Variants in MUTYH observed in about 807,000 individuals in gnomAD.
MUTYH encodes adenine DNA glycosylase.
Under a neutral mutation model 72.9 loss-of-function variants are expected in MUTYH, and 64 were observed. That is an observed-to-expected ratio of 0.88 (90% CI 0.72 to 1.08). The LOEUF is 1.08. Among genes scored for constraint, MUTYH ranks in the 50% least tolerant of loss-of-function variants. The pLI is 0.00. For synonymous variants in MUTYH, 234 were observed against 263.1 expected (o/e 0.89, Z 1.07); for missense variants, 633 against 671.0 (o/e 0.94, Z 0.63).
upstream of MUTYH, chr1:45,340,009 C>A: frequency 1.6e-5 from 25 of 1,539,190 alleles, no homozygotes; most frequent in Non-Finnish European, 2.2e-5. Context: ...GGCTTTCCGG[C>A]GCACTCCAGG....
chr1:45,340,004 T>G (rs756216661), upstream of MUTYH: 105 of 1,538,620 alleles, frequency 6.8e-5, no homozygotes, highest in East Asian at 2.7e-4. Context: ...CGCCCGGCTT[T>G]CCGGCGCACT....
chr1:45,331,146 C>T (rs1304310416), intron 14 of MUTYH, 36 bp downstream of exon 14: 1 of 1,613,312 alleles, frequency 6.2e-7, no homozygotes, highest in South Asian at 1.1e-5. Context: ...ATGTAGGAAA[C>T]ACAAGGAAGT....
At chr1:45,339,824 G>T in intron 1 of MUTYH, 75 bp downstream of exon 1, 2 of 1,315,114 alleles carry the variant, frequency 1.5e-6, no homozygotes, top group Non-Finnish European at 2.0e-6. Context: ...TAACTCCTGG[G>T]CGTGCTTTAA....
Position 45,336,341 on chromosome 1 carries a change from C to G in MUTYH, c.-6-1830G>C, listed in dbSNP as rs1476817153. Among the ~76,000 whole-genome samples the G allele has an allele frequency of 3.3e-5, 5 of 152,212 alleles. No homozygotes were observed. The East Asian group carries it at 7.7e-4, about 23-fold the overall frequency. ...CTACAAAAACAGAAAAACAGAATTTCTCTTCTACCCCTTGTCAGGCCTCTG... is the reference window on the plus strand; with the variant it reads ...CTACAAAAACAGAAAAACAGAATTTGTCTTCTACCCCTTGTCAGGCCTCTG... On this transcript the variant is annotated intron_variant, in intron 1 of 15. Transcript: ENST00000456914.
At position 45,331,458 on chromosome 1, in the gene MUTYH, C is replaced by T; in HGVS notation, c.1201G>A (p.Gly401Arg). 6.2e-7 allele frequency: 1 copy of T among 1,614,238 alleles called. No homozygotes were observed. The highest frequency in any genetic ancestry group is 2.2e-5 in the East Asian group (1 of 44,886). ...CGGAGGTGCGTGGCTGGGAGGGGCC[C>T]AGCCCAACGCTGTAGTTCCTGCAGC... ...ALLQELQRWAGPLPATHLRHL... is the reference protein window; with the variant it reads ...ALLQELQRWARPLPATHLRHL... Residue 401 changes from glycine to arginine, a missense_variant, in exon 13 of 16, where the codon GGG becomes AGG. Physicochemically the swap from Gly to Arg is moderately radical, Grantham distance 125 (BLOSUM62 -2). Coordinates refer to ENST00000456914, the MANE Select transcript of MUTYH (RefSeq NM_001048174.2).
intron 14 of MUTYH, 100 bp downstream of exon 14, chr1:45,331,082 C>A: frequency 6.6e-7 from 1 of 1,521,660 alleles, no homozygotes; most frequent in East Asian, 2.3e-5. Flanking sequence ...GATTCTCCGT[C>A]TCAAAAAAAA....
chr1:45,333,765 T>A, intron 2 of MUTYH: 1 of 275,566 alleles, frequency 3.6e-6, no homozygotes. Flanking sequence ...CTCAGGGTGG[T>A]ACTACTGGCT....
rs1304163797 is a variant in MUTYH, at chr1:45,333,324, C to T, written c.265G>A (p.Ala89Thr). Residue 89 changes from alanine to threonine, a missense_variant and splice_region_variant, in exon 4 of 16, where the codon GCA becomes ACA. Ala to Thr is a moderately conservative substitution (Grantham distance 58, BLOSUM62 0). Coordinates refer to ENST00000456914, the MANE Select transcript of MUTYH (RefSeq NM_001048174.2). ...CTGTCCAGGTCCATCTCATCTTCTG[C>T]CTGTCAATGCAACCCCAGATGAGGA... ...EKRDLPWRRR[A>T]EDEMDLDRRA... 6.2e-7 allele frequency: 1 copy of T among 1,614,254 alleles called. No individual in the cohort carries two copies. The highest frequency in any genetic ancestry group is 1.7e-5 in the Admixed American group (1 of 60,032).
At chr1:45,335,654 C>T (rs1487425656) in intron 1 of MUTYH, among the ~76,000 whole-genome samples, 17 of 151,936 alleles carry the variant, frequency 1.1e-4, no homozygotes, top group African/African-American at 3.4e-4. Context: ...GCCAGGAGTT[C>T]GAGACCAGCC....
At position 45,332,217 on chromosome 1, in the gene MUTYH, G is replaced by A. The variant is rs587780750; in HGVS notation, c.798C>T (p.Arg266=). Residue 266 remains arginine (R), a synonymous_variant, in exon 10 of 16, where the codon CGC becomes CGT. Transcript: ENST00000456914. ...ELGATVCTPQ[R]PLCSQCPVES... ...CCACAGGGCACTGGCTGCACAGTGG[G>A]CGCTGTGGGGTACACACTGTGGCCC... The A allele has an allele frequency of 7.4e-6, 12 of 1,614,056 alleles. No homozygotes were observed. Among genetic ancestry groups the A allele is most frequent in the Non-Finnish European group, 9.3e-6 (11 of 1,180,018 alleles).
Position 45,332,626 on chromosome 1 carries a change from G to A in MUTYH, c.554C>T (p.Pro185Leu), listed in dbSNP as rs1645143512. Residue 185 changes from proline to leucine, a missense_variant, in exon 8 of 16, where the codon CCT (proline) becomes CTT (leucine). Pro to Leu is a moderately conservative substitution (Grantham distance 98). Coordinates refer to ENST00000456914, the MANE Select transcript of MUTYH (RefSeq NM_001048174.2). ...RTAETLQQLL[P>L]GVGRYTAGAI... ...CCCAGCTGTGTAGCGCCCCACGCCA[G>A]GCAGGAGCTGCTGCAGGGTCTCTGC... 6.2e-7 allele frequency: 1 copy of A among 1,614,056 alleles called. No homozygotes were observed. The highest frequency in any genetic ancestry group is 8.5e-7 in the Non-Finnish European group (1 of 1,180,026).
In MUTYH at chr1:45,333,402, C is replaced by T. The variant is rs139977567; in HGVS notation, c.264+11G>A. The T allele has an allele frequency of 5.3e-4, 854 of 1,614,156 alleles. 12 individuals carry two copies. In the East Asian group the frequency reaches 0.017, roughly 32 times the overall value. ...CCTCCCACCCACTGTCCCTGCTCCT[C>T]GCCTGCCTACCCGTCTTCTCCATGG... On this transcript the variant is annotated intron_variant, in intron 3 of 15. Coordinates refer to ENST00000456914, the MANE Select transcript of MUTYH (RefSeq NM_001048174.2).
chr1:45,338,102 A>T (rs1646193293), intron 1 of MUTYH: 2 of 497,744 alleles, frequency 4.0e-6, no homozygotes, highest in Non-Finnish European at 7.9e-6. Flanking sequence ...CAATGTGGTT[A>T]GAATGGAATG....
chr1:45,333,409 C>T lies in MUTYH; in HGVS notation c.264+4G>A, dbSNP rs1553130029. 6.2e-7 allele frequency: 1 copy of T among 1,614,236 alleles called. No homozygotes were observed. The highest frequency in any genetic ancestry group is 2.2e-5 in the East Asian group (1 of 44,886). ...CCCACTGTCCCTGCTCCTCGCCTGC[C>T]TACCCGTCTTCTCCATGGTAGGTCC... On this transcript the variant is annotated splice_donor_region_variant and intron_variant, in intron 3 of 15. Transcript: ENST00000456914.
upstream of MUTYH, chr1:45,340,243 G>A (rs876659717): frequency 6.2e-7 from 1 of 1,613,818 alleles, no homozygotes; most frequent in East Asian, 2.2e-5. Flanking sequence ...GGCGGGAGAC[G>A]AGCGGTGTCA....
At chr1:45,338,086 G>A in intron 1 of MUTYH, 1 of 494,200 alleles carries the variant, frequency 2.0e-6, no homozygotes, top group South Asian at 1.5e-5. Flanking sequence ...GGTACAGTAA[G>A]TAGGTCAATG....
rs763693540 is a variant in MUTYH at position 45,333,573 on chromosome 1, C to A, written c.116-12G>T. On this transcript the variant is annotated splice_polypyrimidine_tract_variant and intron_variant, in intron 2 of 15. Coordinates refer to ENST00000456914, the MANE Select transcript of MUTYH (RefSeq NM_001048174.2). ...CTGCCTGGCCAGGCCTGCTGGGGCCCCAGGACACTCAGCAATCATCCCTGC... is the reference window on the plus strand; with the variant it reads ...CTGCCTGGCCAGGCCTGCTGGGGCCACAGGACACTCAGCAATCATCCCTGC... 6.2e-7 allele frequency: 1 copy of A among 1,612,798 alleles called. No individual in the cohort carries two copies.
At position 45,331,775 on chromosome 1, in the gene MUTYH, A is replaced by G. The variant is rs587781601; in HGVS notation, c.988T>C (p.Phe330Leu). 8 of 1,613,698 alleles carry G rather than the reference A, an allele frequency of 5.0e-6. No homozygotes were observed. In the East Asian group the frequency reaches 1.8e-4, roughly 36 times the overall value. The change falls in exon 12 of 16, where the codon TTC becomes CTC. Residue 330 changes from phenylalanine to leucine, a missense_variant. Coordinates refer to ENST00000456914, the MANE Select transcript of MUTYH (RefSeq NM_001048174.2). Reference sequence around the variant, plus strand: ...GGCTTGCGGCTGGCCTTTCTGGGGAAGTTGACCACTCCCAGGGTCTGGTCC... The same window carrying G: ...GGCTTGCGGCTGGCCTTTCTGGGGAGGTTGACCACTCCCAGGGTCTGGTCC... ...PWDQTLGVVN[F>L]PRKASRKPPR...
chr1:45,332,724 C>CA, intron 7 of MUTYH, 37 bp from the exon 8 acceptor site: 1 of 1,614,126 alleles, frequency 6.2e-7, no homozygotes, highest in Non-Finnish European at 8.5e-7. Flanking sequence ...ATAAGACACC[C>CA]AAGACTCCTG....
Sources: gnomAD v4.1 joint callset for allele counts (sites outside exome capture counted in the v4.1 genomes callset) on GRCh38, gnomAD v4.1.1 for gene constraint, MANE v1.5 for transcripts, NCBI Gene and HGNC (gene_info 2026-07-23, HGNC 2026-07-21) for gene names.